The following SUB1 variants were observed in gnomAD, a reference collection of about 807,000 sequenced individuals.
SUB1 encodes activated RNA polymerase II transcriptional coactivator p15.
In SUB1, 1 loss-of-function variant was observed where a neutral mutation model predicts 16.9. The observed-to-expected ratio is 0.06, with a 90% CI of 0.02 to 0.28. The LOEUF (loss-of-function observed/expected upper bound fraction) is 0.28. Ranked by LOEUF, SUB1 falls within the 10% of genes least tolerant of loss-of-function variation. The pLI is 1.00. For synonymous variants in SUB1, 51 were observed against 46.9 expected (o/e 1.09, Z -0.36); for missense variants, 84 against 145.2 (o/e 0.58, Z 2.16).
At position 32,598,942 on chromosome 5, in the gene SUB1, A is replaced by T; in HGVS notation, c.196-19A>T. 6.3e-7 allele frequency: 1 copy of T among 1,586,982 alleles called. No homozygotes were observed. The highest frequency in any genetic ancestry group is 1.7e-5 in the Admixed American group (1 of 57,604). ...ACTCTTGAAAGGAGCACCTCTTTTT[A>T]TGTTTGTTTCTTTTGCAGATTGGGA... is the stretch of plus-strand genomic sequence containing the variant. On this transcript the variant is annotated intron_variant, in intron 3 of 4. Transcript: ENST00000265073.
In SUB1 at chr5:32,596,583, G is replaced by C. The variant is rs367566552; in HGVS notation, c.196-2378G>C. 3.9e-5 allele frequency: 6 copies of C among 152,236 alleles called. No homozygotes were observed. In the South Asian group the frequency reaches 8.3e-4, roughly 21 times the overall value. 9.4% of individuals were successfully genotyped at this position (152,236 alleles called of 1,614,324 possible). On this transcript the variant is annotated intron_variant, in intron 3 of 4. Coordinates refer to ENST00000265073, the MANE Select transcript of SUB1 (RefSeq NM_006713.4). Reference sequence around the variant, plus strand: ...TTCTCTGTGTATGATGTAAGATAGAGATTTAGAGTCTTCCCCACCCCAAAT... The same window carrying C: ...TTCTCTGTGTATGATGTAAGATAGACATTTAGAGTCTTCCCCACCCCAAAT...
intron 3 of SUB1, chr5:32,598,407 ACTG>A (rs1739031585): frequency 6.6e-6 from 1 of 152,324 alleles, no homozygotes; most frequent in African/African-American, 2.4e-5. Flanking sequence ...GGAGACATGA[ACTG>A]CTCAGCAGAG....
At chr5:32,599,094 A>G (rs1172276061) in intron 4 of SUB1, 25 bp downstream of exon 4, 3 of 1,578,868 alleles carry the variant, frequency 1.9e-6, no homozygotes, top group African/African-American at 1.4e-5. Flanking sequence ...CTTGAATTTT[A>G]TTACAGTGTT....
chr5:32,594,273 A>G (rs1738901441), intron 3 of SUB1, among the ~76,000 whole-genome samples: 2 of 152,154 alleles, frequency 1.3e-5, no homozygotes, highest in African/African-American at 4.8e-5. Flanking sequence ...TTCCATAGGG[A>G]TGTAGTCTAC....
chr5:32,589,699 T>C (rs1047932927), intron 2 of SUB1, among the ~76,000 whole-genome samples: 3 of 152,248 alleles, frequency 2.0e-5, no homozygotes, highest in African/African-American at 4.8e-5. Flanking sequence ...CATAGAACTT[T>C]ACATATCTGA....
Position 32,603,768 on chromosome 5 carries a change from T to C in SUB1, c.*2684T>C, listed in dbSNP as rs144936817. ...TATTAAGTGTTCCTCACAGGAGATA[T>C]GTTAGCAGAATACTATAAAAGTTTG... On this transcript the variant is annotated 3_prime_UTR_variant, in exon 5 of 5. Transcript: ENST00000265073. The C allele has an allele frequency of 9.5e-4, 145 of 152,266 alleles. 1 individual carries two copies. The highest frequency in any genetic ancestry group is 3.4e-3 in the African/African-American group (142 of 41,556). 9.4% of individuals were successfully genotyped at this position (152,266 alleles called of 1,614,324 possible).
intron 2 of SUB1, 82 bp downstream of exon 2, chr5:32,588,666 A>G: frequency 7.3e-7 from 1 of 1,367,176 alleles, no homozygotes; most frequent in South Asian, 1.4e-5. Context: ...TAAAAGGTGT[A>G]TTAACATCTT....
intron 4 of SUB1, among the ~76,000 whole-genome samples, chr5:32,600,403 A>G (rs138532283): frequency 4.9e-4 from 74 of 152,352 alleles, no homozygotes; most frequent in African/African-American, 1.7e-3. Context: ...TGACCATTTT[A>G]GCCTGATAGT....
chr5:32,599,995 A>G (rs1490422765), intron 4 of SUB1, among the ~76,000 whole-genome samples: 3 of 152,244 alleles, frequency 2.0e-5, no homozygotes, highest in Non-Finnish European at 2.9e-5. Context: ...CTGGAAAGAC[A>G]TATCTCACAT....
chr5:32,590,641 G>C (rs1561033456), intron 2 of SUB1, among the ~76,000 whole-genome samples: 1 of 151,536 alleles, frequency 6.6e-6, no homozygotes. Flanking sequence ...TGTTGCCCAG[G>C]CTGGAGTGTA....
At position 32,588,503 on chromosome 5, in the gene SUB1, T is replaced by G. The variant is rs1242923598; in HGVS notation, c.-1-9T>G. 4 of 1,610,732 alleles carry G rather than the reference T, an allele frequency of 2.5e-6. No individual in the cohort carries two copies. The highest frequency in any genetic ancestry group is 3.4e-6 in the Non-Finnish European group (4 of 1,178,576). ...TATTAATTATTTTTGTAATGTATTT[T>G]TCTTTCAGGATGCCTAAATCAAAGG... On this transcript the variant is annotated splice_polypyrimidine_tract_variant and intron_variant, in intron 1 of 4. Coordinates refer to ENST00000265073, the MANE Select transcript of SUB1 (RefSeq NM_006713.4).
Position 32,591,649 on chromosome 5 carries a change from A to G in SUB1, c.159A>G (p.Lys53=), listed in dbSNP as rs746600090. 1 of 1,607,332 alleles carries G rather than the reference A, an allele frequency of 6.2e-7. No homozygotes were observed. Among genetic ancestry groups the G allele is most frequent in the Non-Finnish European group, 8.5e-7 (1 of 1,177,632 alleles). ...GETSRALSSS[K]QSSSSRDDNM... Reference sequence around the variant, plus strand: ...CTTCGAGAGCCCTGTCATCTTCTAAACAGAGCAGCAGCAGCAGAGATGATA... The same window carrying G: ...CTTCGAGAGCCCTGTCATCTTCTAAGCAGAGCAGCAGCAGCAGAGATGATA... The change falls in exon 3 of 5, where the codon AAA becomes AAG. Residue 53 remains lysine, a synonymous_variant. Coordinates refer to ENST00000265073, the MANE Select transcript of SUB1 (RefSeq NM_006713.4).
intron 4 of SUB1, among the ~76,000 whole-genome samples, chr5:32,600,240 T>G (rs991471233): frequency 2.0e-5 from 3 of 152,232 alleles, no homozygotes; most frequent in African/African-American, 7.2e-5. Context: ...TGAGGAGTCC[T>G]GTATGAATCA....
At chr5:32,600,965 A>G in intron 4 of SUB1, 40 bp from the exon 5 acceptor site, 3 of 1,559,390 alleles carry the variant, frequency 1.9e-6, no homozygotes, top group Non-Finnish European at 2.7e-6. Flanking sequence ...CTCAACGCTT[A>G]AATAGATTTT....
At chr5:32,594,549 GTT>G (rs1738907751) in intron 3 of SUB1, 3 of 448,932 alleles carry the variant, frequency 6.7e-6, no homozygotes, top group Non-Finnish European at 1.4e-5. Flanking sequence ...TTTAATTTGA[GTT>G]TTCTTTTTTG....
intron 3 of SUB1, among the ~76,000 whole-genome samples, chr5:32,593,433 A>G (rs560974933): frequency 1.3e-5 from 2 of 152,068 alleles, no homozygotes; most frequent in Non-Finnish European, 2.9e-5. Context: ...TTTTTTTCCT[A>G]TTGCTTATTT....
At chr5:32,587,889 G>T (rs559543279) in intron 1 of SUB1, among the ~76,000 whole-genome samples, 1 of 152,278 alleles carries the variant, frequency 6.6e-6, no homozygotes, top group East Asian at 1.9e-4. Flanking sequence ...GATTACAGGC[G>T]TGAACCATCG....
chr5:32,597,556 A>G (rs1390279825), intron 3 of SUB1: 3 of 152,004 alleles, frequency 2.0e-5, no homozygotes, highest in South Asian at 2.1e-4. Context: ...TGTGCTTTCA[A>G]TTTTTTGGGA....
intron 2 of SUB1, among the ~76,000 whole-genome samples, chr5:32,588,930 T>C (rs564459945): frequency 7.9e-5 from 12 of 152,298 alleles, no homozygotes; most frequent in African/African-American, 2.6e-4. Context: ...TTCATACTCA[T>C]AGGCCCTAAA....
Sources: allele counts gnomAD v4.1 joint callset (sites outside exome capture counted in the v4.1 genomes callset), GRCh38; gene constraint gnomAD v4.1.1; transcripts MANE v1.5; gene names NCBI Gene and HGNC (gene_info 2026-07-23, HGNC 2026-07-21).